Variants in COL10A1 observed in about 807,000 individuals in gnomAD.
COL10A1 encodes the protein collagen alpha-1(X) chain.
In COL10A1, 10 loss-of-function variants were observed where a neutral mutation model predicts 18.2. The observed-to-expected ratio is 0.55, with a 90% CI of 0.34 to 0.93. The LOEUF (loss-of-function observed/expected upper bound fraction) is 0.93, where lower values mean the gene tolerates loss of function less well. Ranked by LOEUF, COL10A1 falls within the 40% of genes least tolerant of loss-of-function variation. COL10A1 has a pLI of 0.02. For missense variants in COL10A1, 897 were observed against 853.5 expected, an observed-to-expected ratio of 1.05 and a Z score of -0.64; for synonymous variants, 330 against 316.6, an observed-to-expected ratio of 1.04 and a Z score of -0.45.
intron 1 of COL10A1, among the ~76,000 whole-genome samples, chr6:116,131,474 A>G (rs912433745): frequency 6.6e-6 from 1 of 152,154 alleles, no homozygotes; most frequent in African/African-American, 2.4e-5. Context: ...TAAATGACTC[A>G]GTTTTTCTTG....
At chr6:116,153,922 G>T (rs1392428853) in intron 1 of COL10A1, among the ~76,000 whole-genome samples, 1 of 151,860 alleles carries the variant, frequency 6.6e-6, no homozygotes, top group East Asian at 1.9e-4. Flanking sequence ...CGTGCCAAAA[G>T]ATTTTTCAAG....
chr6:116,177,710 T>TAA, the COL10A1 span, among the ~76,000 whole-genome samples: 1 of 152,184 alleles, frequency 6.6e-6, no homozygotes, highest in Non-Finnish European at 1.5e-5. Context: ...CTCTTAAAGT[T>TAA]TATTACTAAA....
the COL10A1 span, among the ~76,000 whole-genome samples, chr6:116,182,752 A>T: frequency 6.7e-6 from 1 of 148,438 alleles, no homozygotes; most frequent in Non-Finnish European, 1.5e-5. Flanking sequence ...TTTCTTGCTG[A>T]TATGTTTGAG....
chr6:116,166,545 T>G, the COL10A1 span, among the ~76,000 whole-genome samples: 11 of 152,208 alleles, frequency 7.2e-5, no homozygotes, highest in Non-Finnish European at 1.6e-4. Flanking sequence ...TGTTGGGCCA[T>G]CAGAGAGTGA....
upstream of COL10A1, among the ~76,000 whole-genome samples, chr6:116,161,702 G>T (rs1411342902): frequency 1.3e-5 from 2 of 152,146 alleles, no homozygotes; most frequent in Non-Finnish European, 2.9e-5. Context: ...GATTGCTTTG[G>T]CTATTTAGGC....
At chr6:116,204,343 A>G in the COL10A1 span, among the ~76,000 whole-genome samples, 1 of 152,002 alleles carries the variant, frequency 6.6e-6, no homozygotes, top group Non-Finnish European at 1.5e-5. Context: ...AAGGGATGAG[A>G]GGTAGTGACT....
chr6:116,190,701 A>G, the COL10A1 span, among the ~76,000 whole-genome samples: 3 of 152,160 alleles, frequency 2.0e-5, no homozygotes, highest in South Asian at 2.1e-4. Flanking sequence ...AAAGCTGCCA[A>G]AAATGTAGTG....
At chr6:116,129,407 T>C (rs1476650179), upstream of COL10A1, among the ~76,000 whole-genome samples, 1 of 152,242 alleles carries the variant, frequency 6.6e-6, no homozygotes, top group Non-Finnish European at 1.5e-5. Context: ...TGTAACAGTT[T>C]TGGCAAGTGG....
rs751058357 is a variant in COL10A1, at chr6:116,121,879, TGGTCCAGAAGGACCTGGGTGCCCTCGA to T, written c.210_236del (p.Arg71_Pro79del). 1.2e-6 allele frequency: 2 copies of T among 1,614,024 alleles called. No individual in the cohort carries two copies. Among genetic ancestry groups the T allele is most frequent in the Non-Finnish European group, 1.7e-6 (2 of 1,179,988 alleles). ...GACTTCCGTAGCCTGGTTTTCCTGG[TGGTCCAGAAGGACCTGGGTGCCCTCGA>T]GGTCCAGCAGGGCCTGGTGGACCAG... On this transcript the variant is annotated inframe_deletion, in exon 3 of 3. Transcript: ENST00000651968.
At chr6:116,149,451 A>G (rs1371084685) in intron 1 of COL10A1, among the ~76,000 whole-genome samples, 1 of 152,226 alleles carries the variant, frequency 6.6e-6, no homozygotes, top group Non-Finnish European at 1.5e-5. Flanking sequence ...CCCTGCCAGT[A>G]CTAAGAGAAC....
At chr6:116,129,046 A>G (rs567638986), upstream of COL10A1, among the ~76,000 whole-genome samples, 25 of 152,218 alleles carry the variant, frequency 1.6e-4, no homozygotes, top group South Asian at 5.2e-3. Context: ...CACTCCTTCA[A>G]ATTTTGAAGT....
the COL10A1 span, among the ~76,000 whole-genome samples, chr6:116,207,161 A>G: frequency 6.6e-6 from 1 of 151,994 alleles, no homozygotes; most frequent in Non-Finnish European, 1.5e-5. Context: ...ATTAATAACT[A>G]TACCTATTCC....
In COL10A1 at chr6:116,119,749, T is replaced by C. The variant is rs922577505; in HGVS notation, c.*324A>G. On this transcript the variant is annotated 3_prime_UTR_variant, in exon 3 of 3. Transcript: ENST00000651968. ...TAACTTAGAGCTCTATTTCTGTTTT[T>C]TTTTTTAATTTTTTTTTTGTTGTTT... 8.3e-6 allele frequency: 2 copies of C among 241,568 alleles called. No homozygotes were observed. The highest frequency in any genetic ancestry group is 7.9e-6 in the Non-Finnish European group (1 of 125,846). The allele number at this position is 241,568 out of a possible 1,614,324, so 15.0% of individuals were successfully genotyped here. A position where few individuals can be genotyped will look rare whatever the true frequency, so the allele number is the denominator to read the frequency against.
chr6:116,137,753 C>T (rs898163527), intron 1 of COL10A1, among the ~76,000 whole-genome samples: 1 of 152,040 alleles, frequency 6.6e-6, no homozygotes, highest in South Asian at 2.1e-4. Flanking sequence ...TATGGAAAAC[C>T]AGTTATCTTT....
At chr6:116,140,249 T>A (rs1191326514) in intron 1 of COL10A1, among the ~76,000 whole-genome samples, 2 of 152,166 alleles carry the variant, frequency 1.3e-5, no homozygotes, top group Non-Finnish European at 2.9e-5. Flanking sequence ...AACTTATGCT[T>A]ATGTTCCATC....
intron 1 of COL10A1, chr6:116,137,124 G>A (rs543113227): frequency 2.4e-5 from 5 of 212,504 alleles, no homozygotes; most frequent in Admixed American, 4.5e-5. Flanking sequence ...CCACAAATCG[G>A]TGGGGTCTCC....
rs886589019 is a variant in COL10A1 at position 116,151,317 on chromosome 6, C to T, written c.-16+7297G>A. Reference sequence around the variant, plus strand: ...TTGATAACATTCATACATGCAAGTGCATTTTTACTCCACATATTTTTCTTA... The same window carrying T: ...TTGATAACATTCATACATGCAAGTGTATTTTTACTCCACATATTTTTCTTA... On this transcript the variant is annotated intron_variant, in intron 1 of 1. Coordinates refer to the COL10A1 transcript ENST00000418500. 7.2e-5 allele frequency among the ~76,000 whole-genome samples: 11 copies of T among 152,306 alleles called. No individual in the cohort carries two copies. The South Asian group carries it at 2.3e-3, about 32-fold the overall frequency.
chr6:116,148,623 G>T (rs1779955513), intron 1 of COL10A1, among the ~76,000 whole-genome samples: 1 of 151,788 alleles, frequency 6.6e-6, no homozygotes. Context: ...AGAACATCAG[G>T]TTTTTTTTGG....
At position 116,148,740 on chromosome 6, in the gene COL10A1, C is replaced by T. The variant is rs368500007; in HGVS notation, c.-16+9874G>A. On this transcript the variant is annotated intron_variant, in intron 1 of 1. Transcript: ENST00000418500. ...TCTCTATGAGAGATAAGTAATTGAGCAAAATACTGTTTATTATTCAGATAT... is the reference window on the plus strand; with the variant it reads ...TCTCTATGAGAGATAAGTAATTGAGTAAAATACTGTTTATTATTCAGATAT... Among the ~76,000 whole-genome samples, 38 of 152,080 alleles carry T rather than the reference C, an allele frequency of 2.5e-4. 1 individual carries two copies. The highest frequency in any genetic ancestry group is 3.4e-3 in the Middle Eastern group (1 of 292).
Sources: allele counts gnomAD v4.1 joint callset (sites outside exome capture counted in the v4.1 genomes callset), GRCh38; gene constraint gnomAD v4.1.1; transcripts MANE v1.5; gene names NCBI Gene and HGNC (gene_info 2026-07-23, HGNC 2026-07-21).